Variants in SLC1A1 observed in about 807,000 individuals in gnomAD.
SLC1A1 encodes the protein solute carrier family 1 member 1.
SLC1A1 carries 43 observed loss-of-function variants against 53.3 expected under a neutral mutation model. The ratio of observed to expected loss-of-function variants is 0.81; its 90% CI spans 0.63 to 1.04. SLC1A1 has a LOEUF of 1.04. Ranked by LOEUF, SLC1A1 falls within the 50% of genes least tolerant of loss-of-function variation. The pLI, the probability that SLC1A1 is intolerant of heterozygous loss-of-function variation, is 0.00. For synonymous variants in SLC1A1, 307 were observed against 243.2 expected (o/e 1.26, Z -2.44); for missense variants, 748 against 664.9 (o/e 1.12, Z -1.37).
At chr9:4,496,674 T>C (rs1820435382) in intron 1 of SLC1A1, among the ~76,000 whole-genome samples, 1 of 152,076 alleles carries the variant, frequency 6.6e-6, no homozygotes, top group Non-Finnish European at 1.5e-5. Flanking sequence ...GTGGGAGGAC[T>C]GCTTGAGGCT....
At position 4,573,971 on chromosome 9, in the gene SLC1A1, A is replaced by G. The variant is rs775677612; in HGVS notation, c.832A>G (p.Ile278Val). The G allele has an allele frequency of 1.1e-5, 18 of 1,614,054 alleles. No individual in the cohort carries two copies. The South Asian group carries it at 1.8e-4, about 16-fold the overall frequency. The change falls in exon 8 of 12, where the codon ATA (isoleucine) becomes GTA (valine). Residue 278 changes from isoleucine (I) to valine (V), a missense_variant. Transcript: ENST00000262352. ...GATCATAGAAGTTGAAGACTGGGAAATATTCCGCAAGCTGGGCCTTTACAT... is the reference window on the plus strand; with the variant it reads ...GATCATAGAAGTTGAAGACTGGGAAGTATTCCGCAAGCTGGGCCTTTACAT... ...GKIIEVEDWE[I>V]FRKLGLYMAT... is the part of the protein sequence containing the mutation.
chr9:4,544,959 C>T (rs535158293), intron 2 of SLC1A1, among the ~76,000 whole-genome samples: 257 of 152,104 alleles, frequency 1.7e-3, no homozygotes, highest in Non-Finnish European at 2.8e-3. Context: ...CATAAGATCT[C>T]GTGAGAACTC....
At chr9:4,547,634 C>T (rs1460718068) in intron 2 of SLC1A1, among the ~76,000 whole-genome samples, 1 of 152,166 alleles carries the variant, frequency 6.6e-6, no homozygotes, top group Non-Finnish European at 1.5e-5. Context: ...GATCTCTTCA[C>T]CCAGTAATTC....
At chr9:4,571,280 A>G (rs1203419389) in intron 6 of SLC1A1, among the ~76,000 whole-genome samples, 5 of 151,906 alleles carry the variant, frequency 3.3e-5, no homozygotes, top group African/African-American at 9.7e-5. Context: ...TAATTAATGG[A>G]TACTAGGCTT....
At position 4,494,411 on chromosome 9, in the gene SLC1A1, G is replaced by A. The variant is rs1049060674; in HGVS notation, c.91+3641G>A. Among the ~76,000 whole-genome samples the A allele has an allele frequency of 5.9e-5, 9 of 152,180 alleles. No homozygotes were observed. In the East Asian group the frequency reaches 7.7e-4, roughly 13 times the overall value. On this transcript the variant is annotated intron_variant, in intron 1 of 11. Coordinates refer to ENST00000262352, the MANE Select transcript of SLC1A1 (RefSeq NM_004170.6). ...AGGTAAATCTGAATAATTTGATTATGAGAAAATTAATATTTTCTTATGAAA... is the reference window on the plus strand; with the variant it reads ...AGGTAAATCTGAATAATTTGATTATAAGAAAATTAATATTTTCTTATGAAA...
intron 7 of SLC1A1, among the ~76,000 whole-genome samples, chr9:4,572,617 G>A (rs1356747322): frequency 6.6e-6 from 1 of 152,148 alleles, no homozygotes; most frequent in African/African-American, 2.4e-5. Flanking sequence ...GTGCAATCTC[G>A]GCTCACTGCA....
chr9:4,500,450 G>C (rs1313317672), intron 1 of SLC1A1, among the ~76,000 whole-genome samples: 4 of 152,120 alleles, frequency 2.6e-5, no homozygotes, highest in African/African-American at 9.7e-5. Context: ...TGGCAGTACA[G>C]GTGCCTGCCA....
At chr9:4,543,779 T>C (rs1586740404) in intron 1 of SLC1A1, among the ~76,000 whole-genome samples, 2 of 152,152 alleles carry the variant, frequency 1.3e-5, no homozygotes, top group South Asian at 4.2e-4. Flanking sequence ...TATATTCCTA[T>C]TAAAATTATA....
At chr9:4,544,344 C>T (rs1312638486) in intron 1 of SLC1A1, among the ~76,000 whole-genome samples, 1 of 152,136 alleles carries the variant, frequency 6.6e-6, no homozygotes, top group Non-Finnish European at 1.5e-5. Flanking sequence ...ACAAAGCTTT[C>T]ATGTATAGAA....
chr9:4,511,930 G>A (rs1050472976), intron 1 of SLC1A1, among the ~76,000 whole-genome samples: 2 of 152,164 alleles, frequency 1.3e-5, no homozygotes, highest in African/African-American at 4.8e-5. Context: ...TGTTAACAAT[G>A]TACAACTGAA....
intron 2 of SLC1A1, among the ~76,000 whole-genome samples, chr9:4,561,013 A>AAC (rs1298063284): frequency 1.4e-5 from 2 of 141,654 alleles, no homozygotes; most frequent in Non-Finnish European, 3.2e-5. Flanking sequence ...ACAAACAAAC[A>AAC]AACAACAACA....
chr9:4,517,743 TA>T (rs1815906793), intron 1 of SLC1A1, among the ~76,000 whole-genome samples: 1 of 152,152 alleles, frequency 6.6e-6, no homozygotes, highest in Non-Finnish European at 1.5e-5. Context: ...AGTTTCTCTT[TA>T]AAAATTCAGG....
At chr9:4,498,453 G>A (rs1362660859) in intron 1 of SLC1A1, among the ~76,000 whole-genome samples, 1 of 151,952 alleles carries the variant, frequency 6.6e-6, no homozygotes, top group African/African-American at 2.4e-5. Flanking sequence ...TAAAATAATA[G>A]TTTCTTCAAA....
intron 11 of SLC1A1, 28 bp from the exon 12 acceptor site, chr9:4,585,284 C>A: frequency 6.2e-7 from 1 of 1,612,494 alleles, no homozygotes; most frequent in Non-Finnish European, 8.5e-7. Context: ...TCTGGGCCTC[C>A]TGTCTGACTC....
At chr9:4,521,338 C>G (rs1392180715) in intron 1 of SLC1A1, among the ~76,000 whole-genome samples, 1 of 152,146 alleles carries the variant, frequency 6.6e-6, no homozygotes, top group African/African-American at 2.4e-5. Flanking sequence ...GATTTATGCT[C>G]AAAAATGGAG....
At chr9:4,505,209 G>A (rs1005045716) in intron 1 of SLC1A1, among the ~76,000 whole-genome samples, 1 of 151,884 alleles carries the variant, frequency 6.6e-6, no homozygotes. Flanking sequence ...ACCATGCCTA[G>A]CTAATTTTTT....
intron 1 of SLC1A1, among the ~76,000 whole-genome samples, chr9:4,492,435 T>C (rs1820268652): frequency 6.7e-6 from 1 of 148,702 alleles, no homozygotes; most frequent in Non-Finnish European, 1.5e-5. Context: ...TCAGCCAAGA[T>C]TGTGCCACTG....
chr9:4,515,379 G>C (rs908235042), intron 1 of SLC1A1, among the ~76,000 whole-genome samples: 5 of 152,166 alleles, frequency 3.3e-5, no homozygotes, highest in African/African-American at 1.2e-4. Context: ...AGAATGAAAA[G>C]TCTGAGGTTT....
In SLC1A1 at chr9:4,585,359, C is replaced by T. The variant is rs146558239; in HGVS notation, c.1376C>T (p.Thr459Met). The T allele has an allele frequency of 2.4e-5, 38 of 1,613,982 alleles. 1 individual carries two copies. The highest frequency in any genetic ancestry group is 1.3e-4 in the East Asian group (6 of 44,902). The part of the protein sequence containing the change: ...MVNVLGDAFG[T>M]GIVEKLSKKE... The stretch of plus-strand genomic sequence containing the variant: ...AACGTCCTTGGTGATGCTTTTGGGA[C>T]GGGCATTGTGGAAAAGCTCTCCAAG... The change falls in exon 12 of 12, where the codon ACG (threonine) becomes ATG (methionine). Residue 459 changes from threonine (T) to methionine (M), a missense_variant. Transcript: ENST00000262352.
Sources: gnomAD v4.1 joint callset for allele counts (sites outside exome capture counted in the v4.1 genomes callset) on GRCh38, gnomAD v4.1.1 for gene constraint, MANE v1.5 for transcripts, NCBI Gene and HGNC (gene_info 2026-07-23, HGNC 2026-07-21) for gene names.